The following PAQR3 variants were observed in gnomAD, a reference collection of about 807,000 sequenced individuals.
The protein encoded by PAQR3 is progestin and adipoQ receptor family member 3.
Under a neutral mutation model 41.7 loss-of-function variants are expected in PAQR3, and 39 were observed. That is an observed-to-expected ratio of 0.93 (90% CI 0.72 to 1.22). The LOEUF is 1.22. Ranked by LOEUF, PAQR3 falls within the 50% of genes most tolerant of loss-of-function variation. The pLI is 0.00. For synonymous variants in PAQR3, 140 were observed against 140.6 expected (o/e 1.00, Z 0.03); for missense variants, 366 against 385.6 (o/e 0.95, Z 0.42).
Position 78,916,487 on chromosome 4 carries a change from G to A in PAQR3, c.*4052C>T, listed in dbSNP as rs575824773. On this transcript the variant is annotated 3_prime_UTR_variant, in exon 6 of 6. Coordinates refer to ENST00000512733, the MANE Select transcript of PAQR3 (RefSeq NM_001040202.2). ...AAGCACCTATTATGTAGCAGCTAGT[G>A]GAATAGAAAAGTTGCTAAGATTAGA... is the stretch of plus-strand genomic sequence containing the variant. 4 of 151,922 alleles carry A rather than the reference G, an allele frequency of 2.6e-5. No individual in the cohort carries two copies. Among genetic ancestry groups the A allele is most frequent in the African/African-American group, 9.6e-5 (4 of 41,516 alleles). 9.4% of individuals were successfully genotyped at this position (151,922 alleles called of 1,614,324 possible).
downstream of PAQR3, among the ~76,000 whole-genome samples, chr4:78,909,548 TATTCC>T (rs998726810): frequency 5.9e-5 from 9 of 152,182 alleles, no homozygotes; most frequent in Non-Finnish European, 1.2e-4. Context: ...TTGCTCACTA[TATTCC>T]AGCCACAATA....
intron 2 of PAQR3, among the ~76,000 whole-genome samples, chr4:78,933,421 A>G (rs1354203022): frequency 2.1e-5 from 2 of 94,912 alleles, no homozygotes; most frequent in African/African-American, 5.5e-5. Flanking sequence ...GCACTAAAGC[A>G]TACAGAAGCA....
At chr4:78,931,651 T>C (rs1736910528) in intron 2 of PAQR3, among the ~76,000 whole-genome samples, 1 of 152,058 alleles carries the variant, frequency 6.6e-6, no homozygotes. Context: ...GGTGGGAGGA[T>C]ATTGACTCTG....
intron 1 of PAQR3, among the ~76,000 whole-genome samples, chr4:78,938,052 G>C (rs1161170952): frequency 1.3e-5 from 2 of 152,180 alleles, no homozygotes; most frequent in African/African-American, 2.4e-5. Flanking sequence ...ATGAGTCACA[G>C]AAACACTTTC....
At position 78,935,817 on chromosome 4, in the gene PAQR3, A is replaced by C. The variant is rs150212756; in HGVS notation, c.186-534T>G. ...AAATGCAAAATTAAATGGATTTAAG[A>C]GAAGCAAAATAAATATATATTGATC... On this transcript the variant is annotated intron_variant, in intron 1 of 5. Coordinates refer to ENST00000512733, the MANE Select transcript of PAQR3 (RefSeq NM_001040202.2). Among the ~76,000 whole-genome samples the C allele has an allele frequency of 3.6e-3, 548 of 152,362 alleles. 1 individual carries two copies. The highest frequency in any genetic ancestry group is 0.013 in the African/African-American group (530 of 41,586).
intron 11 of PAQR3, among the ~76,000 whole-genome samples, chr4:78,892,008 C>T (rs933344478): frequency 6.6e-6 from 1 of 152,108 alleles, no homozygotes; most frequent in Admixed American, 6.6e-5. Context: ...TTGCTGTTTT[C>T]AGTCTTTAAA....
intron 11 of PAQR3, among the ~76,000 whole-genome samples, chr4:78,898,156 A>G (rs1182790763): frequency 6.6e-6 from 1 of 152,214 alleles, no homozygotes; most frequent in African/African-American, 2.4e-5. Flanking sequence ...AGAGAATTGC[A>G]GGTATTTGAG....
intron 11 of PAQR3, among the ~76,000 whole-genome samples, chr4:78,889,680 G>T (rs1037256631): frequency 4.6e-5 from 7 of 152,120 alleles, no homozygotes; most frequent in Non-Finnish European, 8.8e-5. Context: ...GACTGAAAAA[G>T]CATCTGGAGA....
chr4:78,890,335 T>C (rs1010331604), intron 11 of PAQR3, among the ~76,000 whole-genome samples: 2 of 152,112 alleles, frequency 1.3e-5, no homozygotes, highest in Non-Finnish European at 2.9e-5. Flanking sequence ...CTTTCTATTA[T>C]GGAAAATGAG....
intron 11 of PAQR3, chr4:78,899,256 CAG>C (rs1408278149): frequency 2.6e-5 from 4 of 152,058 alleles, no homozygotes; most frequent in South Asian, 2.1e-4. Flanking sequence ...TGGGAGGGAA[CAG>C]GGGACCTTGA....
At chr4:78,908,396 C>G (rs1005374366), downstream of PAQR3, among the ~76,000 whole-genome samples, 1 of 152,202 alleles carries the variant, frequency 6.6e-6, no homozygotes, top group African/African-American at 2.4e-5. Flanking sequence ...TGACATTGCA[C>G]TCAGCTGTTT....
intron 11 of PAQR3, among the ~76,000 whole-genome samples, chr4:78,894,221 T>A (rs1178986391): frequency 6.6e-6 from 1 of 152,208 alleles, no homozygotes; most frequent in Non-Finnish European, 1.5e-5. Flanking sequence ...ACCAATTGCA[T>A]TAGCTCCTAA....
chr4:78,907,998 A>C (rs1734374196), downstream of PAQR3, among the ~76,000 whole-genome samples: 1 of 152,278 alleles, frequency 6.6e-6, no homozygotes, highest in African/African-American at 2.4e-5. Flanking sequence ...TTTGCTTTTG[A>C]ATAAAAATTC....
At chr4:78,938,963 A>G in intron 1 of PAQR3, 77 bp downstream of exon 1, 1 of 1,372,542 alleles carries the variant, frequency 7.3e-7, no homozygotes, top group Non-Finnish European at 9.9e-7. Context: ...AAAGGCGGGG[A>G]AAGCAGAAGG....
chr4:78,927,779 CA>C (rs1428878116), intron 3 of PAQR3, among the ~76,000 whole-genome samples: 7 of 152,178 alleles, frequency 4.6e-5, no homozygotes, highest in Admixed American at 3.9e-4. Context: ...GTCTTAAAGT[CA>C]AAAGTCACGT....
intron 5 of PAQR3, chr4:78,921,509 C>T (rs2170244): frequency 2.4e-5 from 5 of 205,146 alleles, no homozygotes; most frequent in African/African-American, 4.7e-5. Flanking sequence ...GTACCATGGA[C>T]GCCTCTGGCA....
At chr4:78,911,480 T>C (rs760581889), downstream of PAQR3, 15 of 1,613,870 alleles carry the variant, frequency 9.3e-6, no homozygotes, top group Non-Finnish European at 1.2e-5. Flanking sequence ...TTACAGAAAC[T>C]GTCCTCTCGC....
At position 78,919,828 on chromosome 4, in the gene PAQR3, A is replaced by G. The variant is rs1735481057; in HGVS notation, c.*711T>C. ...GCTAATGACTATATTATTTGACCAC[A>G]TAATTTGTTGTCTAATCTTGTACTT... On this transcript the variant is annotated 3_prime_UTR_variant, in exon 6 of 6. Coordinates refer to ENST00000512733, the MANE Select transcript of PAQR3 (RefSeq NM_001040202.2). 1.0e-6 allele frequency: 1 copy of G among 983,190 alleles called. No homozygotes were observed. 60.9% of individuals were successfully genotyped at this position (983,190 alleles called of 1,614,324 possible).
At chr4:78,900,018 CTG>C (rs1733911473) in intron 11 of PAQR3, among the ~76,000 whole-genome samples, 2 of 152,160 alleles carry the variant, frequency 1.3e-5, no homozygotes, top group South Asian at 4.1e-4. Context: ...CGGGTTTGAA[CTG>C]TGTGGATTCC....
Sources: gnomAD v4.1 joint callset for allele counts (sites outside exome capture counted in the v4.1 genomes callset) on GRCh38, gnomAD v4.1.1 for gene constraint, MANE v1.5 for transcripts, NCBI Gene and HGNC (gene_info 2026-07-23, HGNC 2026-07-21) for gene names.